EID3: variants seen among roughly 807,000 people sequenced by gnomAD.
EID3 encodes EP300 interacting inhibitor of differentiation 3.
Under a neutral mutation model 1.6 loss-of-function variants are expected in EID3, and 3 were observed. The ratio of observed to expected loss-of-function variants is 1.87; its 90% CI spans 0.85 to 4.83. The LOEUF (loss-of-function observed/expected upper bound fraction) is 4.83. Among genes scored for constraint, EID3 ranks in the 30% most tolerant of loss-of-function variants. EID3 has a pLI of 0.02. For missense variants in EID3, 471 were observed against 409.9 expected, an observed-to-expected ratio of 1.15 and a Z score of -1.29; for synonymous variants, 164 against 148.1, an observed-to-expected ratio of 1.11 and a Z score of -0.78.
rs61937909 is a variant in EID3 at position 104,303,783 on chromosome 12, C to A, written c.-152C>A. The A allele has an allele frequency of 0.03, 37,915 of 1,274,090 alleles. 641 individuals carry two copies. The highest frequency in any genetic ancestry group is 0.033 in the Non-Finnish European group (32,071 of 961,334). 78.9% of individuals were successfully genotyped at this position (1,274,090 alleles called of 1,614,324 possible). A position where few individuals can be genotyped will look rare whatever the true frequency, so the allele number is the denominator to read the frequency against. On this transcript the variant is annotated 5_prime_UTR_variant, in exon 1 of 1. The change creates a new upstream start codon in the 5' untranslated region. Transcript: ENST00000527879. ...TCTAACTGCCGCCACTTTCCACACG[C>A]TGGGAGGGCCGTTACCTCAGAGATA...
rs1456139880 is a variant in EID3 at position 104,304,478 on chromosome 12, C to T, written c.544C>T (p.Pro182Ser). The part of the protein sequence containing the change: ...FGSFKLERSA[P>S]KPRLEHQKKV... ...TTCATTCAAGCTAGAACGTTCTGCA[C>T]CAAAGCCCCGACTTGAACACCAGAA... is the stretch of plus-strand genomic sequence containing the variant. The change falls in exon 1 of 1, where the codon CCA becomes TCA. Residue 182 changes from proline (P) to serine (S), a missense_variant. Pro to Ser is a moderately conservative substitution (Grantham distance 74, BLOSUM62 -1). Coordinates refer to ENST00000527879, the MANE Select transcript of EID3 (RefSeq NM_001008394.3). 9.3e-6 allele frequency: 15 copies of T among 1,613,842 alleles called. No homozygotes were observed. Among genetic ancestry groups the T allele is most frequent in the Non-Finnish European group, 1.3e-5 (15 of 1,179,912 alleles).
Position 104,305,116 on chromosome 12 carries a change from T to C in EID3, c.*180T>C, listed in dbSNP as rs949137609. The C allele has an allele frequency of 1.3e-5, 8 of 594,792 alleles. No individual in the cohort carries two copies. Among genetic ancestry groups the C allele is most frequent in the Non-Finnish European group, 2.1e-5 (8 of 376,774 alleles). 36.8% of individuals were successfully genotyped at this position (594,792 alleles called of 1,614,324 possible). ...TAATTTATAAGGTCATGATCTTCTGTTATTAAAACAAATTCACTGGCATAT... is the reference window on the plus strand; with the variant it reads ...TAATTTATAAGGTCATGATCTTCTGCTATTAAAACAAATTCACTGGCATAT... On this transcript the variant is annotated 3_prime_UTR_variant, in exon 1 of 1. Transcript: ENST00000527879.
chr12:104,303,940 G>C lies in EID3; in HGVS notation c.6G>C (p.Lys2Asn). Residue 2 changes from lysine (K) to asparagine (N), a missense_variant, in exon 1 of 1, where the codon AAG (lysine) becomes AAC (asparagine). By Grantham distance (94) the Lys-to-Asn change is moderately conservative (BLOSUM62 0). Coordinates refer to ENST00000527879, the MANE Select transcript of EID3 (RefSeq NM_001008394.3). ...CGGCGGCGGAGGGAGCGCTGATGAAGATGGATGTGTCAGTGAGGGCCGCGG... is the reference window on the plus strand; with the variant it reads ...CGGCGGCGGAGGGAGCGCTGATGAACATGGATGTGTCAGTGAGGGCCGCGG... M[K>N]MDVSVRAAGC... is the part of the protein sequence containing the mutation. 1 of 1,595,078 alleles carries C rather than the reference G, an allele frequency of 6.3e-7. No homozygotes were observed. The highest frequency in any genetic ancestry group is 8.5e-7 in the Non-Finnish European group (1 of 1,175,586).
rs758290002 is a variant in EID3, at chr12:104,304,961, T to G, written c.*25T>G. ...AAGATTTCTTAGTATAGCATCCTTTTTGTGTTTTTTTTCTGAAGTTAGATG... is the reference window on the plus strand; with the variant it reads ...AAGATTTCTTAGTATAGCATCCTTTGTGTGTTTTTTTTCTGAAGTTAGATG... On this transcript the variant is annotated 3_prime_UTR_variant, in exon 1 of 1. Transcript: ENST00000527879. The G allele has an allele frequency of 3.4e-5, 52 of 1,538,102 alleles. No individual in the cohort carries two copies. Among genetic ancestry groups the G allele is most frequent in the Non-Finnish European group, 4.4e-5 (51 of 1,147,914 alleles).
At position 104,304,549 on chromosome 12, in the gene EID3, G is replaced by T. The variant is rs773102131; in HGVS notation, c.615G>T (p.Leu205Phe). ...AAAATGGCAACATGCCTACAAAGTT[G>T]CAGAAGTTGGACCTGAGTAGTTATC... ...MEENGNMPTK[L>F]QKLDLSSYPE... Residue 205 changes from leucine to phenylalanine, a missense_variant, in exon 1 of 1, where the codon TTG becomes TTT. Leu to Phe is a conservative substitution (Grantham distance 22). Transcript: ENST00000527879. The T allele has an allele frequency of 2.0e-5, 32 of 1,614,036 alleles. 1 individual carries two copies. In the African/African-American group the frequency reaches 4.1e-4, roughly 21 times the overall value.
chr12:104,304,940 T>C lies in EID3; in HGVS notation c.*4T>C. 1 of 1,572,984 alleles carries C rather than the reference T, an allele frequency of 6.4e-7. No homozygotes were observed. Among genetic ancestry groups the C allele is most frequent in the Non-Finnish European group, 8.6e-7 (1 of 1,164,606 alleles). On this transcript the variant is annotated 3_prime_UTR_variant, in exon 1 of 1. Coordinates refer to ENST00000527879, the MANE Select transcript of EID3 (RefSeq NM_001008394.3). The stretch of plus-strand genomic sequence containing the variant: ...GATTACATACTCCTCATACTAAAGA[T>C]TTCTTAGTATAGCATCCTTTTTGTG...
Position 104,305,107 on chromosome 12 carries a change from G to T in EID3, c.*171G>T. On this transcript the variant is annotated 3_prime_UTR_variant, in exon 1 of 1. Transcript: ENST00000527879. ...TTTTCTTAGTAATTTATAAGGTCAT[G>T]ATCTTCTGTTATTAAAACAAATTCA... The T allele has an allele frequency of 3.1e-6, 2 of 653,536 alleles. No homozygotes were observed. Among genetic ancestry groups the T allele is most frequent in the African/African-American group, 1.9e-5 (1 of 53,212 alleles). 40.5% of individuals were successfully genotyped at this position (653,536 alleles called of 1,614,324 possible).
Position 104,304,281 on chromosome 12 carries a change from A to C in EID3, c.347A>C (p.Gln116Pro). 1 of 1,614,050 alleles carries C rather than the reference A, an allele frequency of 6.2e-7. No individual in the cohort carries two copies. The highest frequency in any genetic ancestry group is 1.7e-5 in the Admixed American group (1 of 60,026). The change falls in exon 1 of 1, where the codon CAG becomes CCG. Residue 116 changes from glutamine to proline, a missense_variant. Transcript: ENST00000527879. The part of the protein sequence containing the change: ...QLNSDMNFFN[Q>P]LAFCDFLFLF... ...AACTCAGATATGAACTTCTTTAATC[A>C]GTTAGCATTTTGTGACTTTCTGTTT...
In EID3 at chr12:104,304,027, C is replaced by T. The variant is rs2034768124; in HGVS notation, c.93C>T (p.Thr31=). The T allele has an allele frequency of 3.7e-6, 6 of 1,612,896 alleles. No homozygotes were observed. Among genetic ancestry groups the T allele is most frequent in the Non-Finnish European group, 4.2e-6 (5 of 1,179,890 alleles). ...TAGACCCAAAGCTCCTGGAGCTCAC[C>T]GCTGACGAGGAGAAGTGCCGCAGCA... ...ADVDPKLLEL[T]ADEEKCRSIR... Residue 31 remains threonine (T), a synonymous_variant, in exon 1 of 1, where the codon ACC becomes ACT. Coordinates refer to ENST00000527879, the MANE Select transcript of EID3 (RefSeq NM_001008394.3).
chr12:104,304,099 G>A lies in EID3; in HGVS notation c.165G>A (p.Arg55=). 1.9e-6 allele frequency: 3 copies of A among 1,614,026 alleles called. No individual in the cohort carries two copies. The South Asian group carries it at 3.3e-5, about 18-fold the overall frequency. The change falls in exon 1 of 1, where the codon CGG becomes CGA. Residue 55 remains arginine (R), a synonymous_variant. Coordinates refer to ENST00000527879, the MANE Select transcript of EID3 (RefSeq NM_001008394.3). The stretch of plus-strand genomic sequence containing the variant: ...TCATGTACTGCGTGCGGCAGAACCG[G>A]GAGGACATCGTGAGCTCGGCGAACA... ...RQLMYCVRQN[R]EDIVSSANNS... is the part of the protein sequence containing the mutation.
chr12:104,304,259 T>G lies in EID3; in HGVS notation c.325T>G (p.Ser109Ala). Residue 109 changes from serine (S) to alanine (A), a missense_variant, in exon 1 of 1, where the codon TCA becomes GCA. Transcript: ENST00000527879. ...LGKEKAKQLN[S>A]DMNFFNQLAF... ...TAAAGAAAAGGCAAAGCAGTTAAAC[T>G]CAGATATGAACTTCTTTAATCAGTT... 2 of 1,614,042 alleles carry G rather than the reference T, an allele frequency of 1.2e-6. No individual in the cohort carries two copies. The highest frequency in any genetic ancestry group is 1.7e-6 in the Non-Finnish European group (2 of 1,179,910).
rs1359543661 is a variant in EID3 at position 104,304,009 on chromosome 12, A to G, written c.75A>G (p.Pro25=). 6.2e-7 allele frequency: 1 copy of G among 1,611,564 alleles called. No homozygotes were observed. The highest frequency in any genetic ancestry group is 8.5e-7 in the Non-Finnish European group (1 of 1,179,808). The change falls in exon 1 of 1, where the codon CCA becomes CCG. Residue 25 remains proline, a synonymous_variant. Coordinates refer to ENST00000527879, the MANE Select transcript of EID3 (RefSeq NM_001008394.3). ...DLSSGEADVD[P]KLLELTADEE... ...GCTCTGGGGAGGCCGACGTAGACCC[A>G]AAGCTCCTGGAGCTCACCGCTGACG...
In EID3 at chr12:104,304,135, C is replaced by T. The variant is rs759092387; in HGVS notation, c.201C>T (p.Thr67=). 12 of 1,614,062 alleles carry T rather than the reference C, an allele frequency of 7.4e-6. No homozygotes were observed. The highest frequency in any genetic ancestry group is 1.7e-5 in the Admixed American group (1 of 60,030). Residue 67 remains threonine (T), a synonymous_variant, in exon 1 of 1, where the codon ACC becomes ACT. Transcript: ENST00000527879. ...TGAGCTCGGCGAACAACTCCTTAAC[C>T]GAGGCTCTGGAGGAAGCCAACGTCC... The part of the protein sequence containing the change: ...DIVSSANNSL[T]EALEEANVLF...
rs1565889808 is a variant in EID3, at chr12:104,304,648, T to C, written c.714T>C (p.Thr238=). The change falls in exon 1 of 1, where the codon ACT becomes ACC. Residue 238 remains threonine (T), a synonymous_variant. Transcript: ENST00000527879. ...LQTYFRKYPD[T]PVSYFEFVID... is the part of the protein sequence containing the mutation. ...CCTACTTTCGAAAGTATCCTGATAC[T>C]CCTGTGTCCTATTTTGAGTTTGTGA... is the stretch of plus-strand genomic sequence containing the variant. 1 of 1,613,984 alleles carries C rather than the reference T, an allele frequency of 6.2e-7. No individual in the cohort carries two copies. The highest frequency in any genetic ancestry group is 8.5e-7 in the Non-Finnish European group (1 of 1,179,842).
At position 104,304,711 on chromosome 12, in the gene EID3, A is replaced by G. The variant is rs753380448; in HGVS notation, c.777A>G (p.Ile259Met). ...PNSFSRTVENIFYVSFIVRDG... is the reference protein window; with the variant it reads ...PNSFSRTVENMFYVSFIVRDG... ...CTTTTTCTCGTACTGTGGAGAATAT[A>G]TTTTATGTTTCTTTTATTGTAAGAG... Residue 259 changes from isoleucine to methionine, a missense_variant, in exon 1 of 1, where the codon ATA becomes ATG. Transcript: ENST00000527879. 85 of 1,613,564 alleles carry G rather than the reference A, an allele frequency of 5.3e-5. No individual in the cohort carries two copies. The Middle Eastern group carries it at 6.6e-4, about 12-fold the overall frequency.
At position 104,305,179 on chromosome 12, in the gene EID3, T is replaced by C. The variant is rs2034850375; in HGVS notation, c.*243T>C. 8.6e-6 allele frequency: 3 copies of C among 349,474 alleles called. No homozygotes were observed. Among genetic ancestry groups the C allele is most frequent in the Non-Finnish European group, 1.6e-5 (3 of 190,712 alleles). 21.6% of individuals were successfully genotyped at this position (349,474 alleles called of 1,614,324 possible). A position where few individuals can be genotyped will look rare whatever the true frequency, so the allele number is the denominator to read the frequency against. ...TTTATTGAATGCCCTTTAAGACTATTAATAAAAACAAGTTTTGGATACCAA... is the reference window on the plus strand; with the variant it reads ...TTTATTGAATGCCCTTTAAGACTATCAATAAAAACAAGTTTTGGATACCAA... On this transcript the variant is annotated 3_prime_UTR_variant, in exon 1 of 1. Transcript: ENST00000527879.
chr12:104,304,173 T>A lies in EID3; in HGVS notation c.239T>A (p.Val80Glu). The A allele has an allele frequency of 6.2e-7, 1 of 1,614,064 alleles. No individual in the cohort carries two copies. Among genetic ancestry groups the A allele is most frequent in the Non-Finnish European group, 8.5e-7 (1 of 1,179,896 alleles). ...LEEANVLFDG[V>E]SRTREAALDA... ...GAAGCCAACGTCCTCTTTGATGGCG[T>A]GAGCCGAACCAGAGAAGCAGCCCTC... The change falls in exon 1 of 1, where the codon GTG becomes GAG. Residue 80 changes from valine to glutamate, a missense_variant. By Grantham distance (121) the Val-to-Glu change is moderately radical. Transcript: ENST00000527879.
rs1436900097 is a variant in EID3, at chr12:104,304,493, G to C, written c.559G>C (p.Glu187Gln). Reference protein sequence around the residue: ...LERSAPKPRLEHQKKVRKMEE... With the variant: ...LERSAPKPRLQHQKKVRKMEE... ...ACGTTCTGCACCAAAGCCCCGACTT[G>C]AACACCAGAAAAAAGTTCGCAAGAT... is the stretch of plus-strand genomic sequence containing the variant. Residue 187 changes from glutamate to glutamine, a missense_variant, in exon 1 of 1, where the codon GAA becomes CAA. Glu to Gln is a conservative substitution (Grantham distance 29). Transcript: ENST00000527879. 1 of 1,613,930 alleles carries C rather than the reference G, an allele frequency of 6.2e-7. No individual in the cohort carries two copies. The highest frequency in any genetic ancestry group is 8.5e-7 in the Non-Finnish European group (1 of 1,179,882).
chr12:104,304,969 T>G lies in EID3; in HGVS notation c.*33T>G, dbSNP rs1376342123. 3 of 1,532,060 alleles carry G rather than the reference T, an allele frequency of 2.0e-6. No individual in the cohort carries two copies. Among genetic ancestry groups the G allele is most frequent in the African/African-American group, 1.4e-5 (1 of 71,964 alleles). 94.9% of individuals were successfully genotyped at this position (1,532,060 alleles called of 1,614,324 possible). A position where few individuals can be genotyped will look rare whatever the true frequency, so the allele number is the denominator to read the frequency against. On this transcript the variant is annotated 3_prime_UTR_variant, in exon 1 of 1. Transcript: ENST00000527879. The stretch of plus-strand genomic sequence containing the variant: ...TTAGTATAGCATCCTTTTTGTGTTT[T>G]TTTTCTGAAGTTAGATGGAGAGTAA...
Sources: allele counts gnomAD v4.1 joint callset, GRCh38; gene constraint gnomAD v4.1.1; transcripts MANE v1.5; gene names NCBI Gene and HGNC (gene_info 2026-07-23, HGNC 2026-07-21).